ATG4A: variants seen among roughly 807,000 people sequenced by gnomAD.
ATG4A encodes the protein autophagy related 4A cysteine peptidase.
Under a neutral mutation model 38.4 loss-of-function variants are expected in ATG4A, and 22 were observed. The ratio of observed to expected loss-of-function variants is 0.57; its 90% confidence interval spans 0.41 to 0.82. The LOEUF is 0.82. ATG4A is among the 40% of genes least tolerant of loss of function. ATG4A has a pLI of 0.00. For synonymous variants in ATG4A, 86 were observed against 100.7 expected (o/e 0.85, Z 0.88); for missense variants, 220 against 290.0 (o/e 0.76, Z 1.75).
chrX:108,116,225 T>C (rs983730429), intron 1 of ATG4A, among the ~76,000 whole-genome samples: 2 of 112,408 alleles, frequency 1.8e-5, no homozygotes, highest in African/African-American at 6.5e-5. Flanking sequence ...TTTTATGTAA[T>C]CCCAAAACTT....
intron 1 of ATG4A, among the ~76,000 whole-genome samples, chrX:108,121,082 TTC>T (rs1375753257): frequency 8.9e-6 from 1 of 112,116 alleles, no homozygotes; most frequent in Non-Finnish European, 1.9e-5. Flanking sequence ...TTGCCCAATC[TTC>T]TGTTTTCTAA....
chrX:108,105,825 C>G (rs2147967386), intron 1 of ATG4A, among the ~76,000 whole-genome samples: 1 of 111,455 alleles, frequency 9.0e-6, no homozygotes, highest in Non-Finnish European at 1.9e-5. Flanking sequence ...TTTGTTCCCC[C>G]CACCCTGAAA....
intron 1 of ATG4A, among the ~76,000 whole-genome samples, chrX:108,102,446 T>A (rs1312650060): frequency 8.9e-6 from 1 of 112,182 alleles, no homozygotes; most frequent in African/African-American, 3.2e-5. Flanking sequence ...ATAATTTAGA[T>A]ATTGAACCCT....
chrX:108,130,473 A>G (rs757756840), intron 3 of ATG4A, among the ~76,000 whole-genome samples: 1 of 112,292 alleles, frequency 8.9e-6, no homozygotes, highest in Non-Finnish European at 1.9e-5. Context: ...TCGTTTATTA[A>G]CTAATTTTAT....
At chrX:108,141,023 T>C (rs1324793147) in intron 9 of ATG4A, among the ~76,000 whole-genome samples, 3 of 83,110 alleles carry the variant, frequency 3.6e-5, no homozygotes, top group Non-Finnish European at 6.6e-5. Context: ...TATATACACA[T>C]ATATATACAT....
At chrX:108,091,556 C>T, upstream of ATG4A, 1 of 1,164,466 alleles carries the variant, frequency 8.6e-7, no homozygotes, top group East Asian at 3.0e-5. Flanking sequence ...GCGCGAGCAA[C>T]GCCCGCCTCA....
intron 9 of ATG4A, among the ~76,000 whole-genome samples, chrX:108,142,479 A>G (rs372969564): frequency 4.6e-5 from 5 of 109,354 alleles, no homozygotes; most frequent in South Asian, 4.0e-4. Context: ...GAATATATAT[A>G]TGTGTGTGTG....
Position 108,137,806 on chromosome X carries a change from A to C in ATG4A, c.550A>C (p.Lys184Gln), listed in dbSNP as rs1194604609. The change falls in exon 8 of 13, where the codon AAA (lysine) becomes CAA (glutamine). Residue 184 changes from lysine to glutamine, a missense_variant and splice_region_variant. By Grantham distance (53) the Lys-to-Gln change is moderately conservative. Coordinates refer to ENST00000372232, the MANE Select transcript of ATG4A (RefSeq NM_052936.5). ...DNTVVIEDIK[K>Q]MCRVLPLSAD... ...ATATTCTGTTCTTCCATTTCTAGAA[A>C]AAATGTGCCGTGTCCTTCCCTTGAG... The C allele has an allele frequency of 8.7e-7, 1 of 1,152,023 alleles. No homozygotes were observed. The highest frequency in any genetic ancestry group is 1.8e-5 in the African/African-American group (1 of 55,360). The allele number at this position is 1,152,023 out of a possible 1,213,427, so 94.9% of individuals were successfully genotyped here.
intron 1 of ATG4A, among the ~76,000 whole-genome samples, chrX:108,099,038 T>G (rs973963123): frequency 8.9e-6 from 1 of 111,896 alleles, no homozygotes; most frequent in African/African-American, 3.2e-5. Flanking sequence ...GGTAAATATA[T>G]GTTTAATTTT....
chrX:108,098,392 A>G (rs2031899154), intron 1 of ATG4A, among the ~76,000 whole-genome samples: 1 of 111,955 alleles, frequency 8.9e-6, no homozygotes, highest in Non-Finnish European at 1.9e-5. Flanking sequence ...TATTATGAAT[A>G]AGAGACTCGC....
rs917987532 is a variant in ATG4A at position 108,153,820 on chromosome X, A to G, written c.*108A>G. 1.8e-6 allele frequency: 1 copy of G among 568,513 alleles called. No individual in the cohort carries two copies. The highest frequency in any genetic ancestry group is 3.0e-6 in the Non-Finnish European group (1 of 336,963). 46.9% of individuals were successfully genotyped at this position (568,513 alleles called of 1,213,427 possible). The stretch of plus-strand genomic sequence containing the variant: ...AGCAAGTGCCTGATATGCCAATAGC[A>G]TACAAACTCAATAGCAATCATGACT... On this transcript the variant is annotated 3_prime_UTR_variant, in exon 13 of 13. Transcript: ENST00000372232.
At chrX:108,148,143 C>G (rs1404434447) in intron 9 of ATG4A, among the ~76,000 whole-genome samples, 2 of 96,506 alleles carry the variant, frequency 2.1e-5, no homozygotes, top group African/African-American at 7.5e-5. Context: ...GGCTGAGGAG[C>G]AAGGACAGCC....
intron 1 of ATG4A, among the ~76,000 whole-genome samples, chrX:108,097,732 C>A (rs1029274743): frequency 8.9e-6 from 1 of 111,786 alleles, no homozygotes; most frequent in Non-Finnish European, 1.9e-5. Context: ...TGAGGGTATA[C>A]GCAAATCAAT....
Position 108,140,987 on chromosome X carries a change from C to T in ATG4A, c.814+2796C>T, listed in dbSNP as rs752197507. ...ATACACATATATACACATATATATACGTATATATATACATATATATACGTA... is the reference window on the plus strand; with the variant it reads ...ATACACATATATACACATATATATATGTATATATATACATATATATACGTA... On this transcript the variant is annotated intron_variant, in intron 9 of 12. Transcript: ENST00000372232. Among the ~76,000 whole-genome samples, 312 of 72,977 alleles carry T rather than the reference C, an allele frequency of 4.3e-3. 3 individuals are homozygous for T. Among genetic ancestry groups the T allele is most frequent in the African/African-American group, 0.02 (299 of 15,245 alleles). 63.4% of individuals were successfully genotyped at this position (72,977 alleles called of 115,157 possible).
rs1435631960 is a variant in ATG4A at position 108,144,217 on chromosome X, A to G, written c.815-5935A>G. 1.2e-4 allele frequency among the ~76,000 whole-genome samples: 13 copies of G among 112,841 alleles called. No individual in the cohort carries two copies. In the Admixed American group the frequency reaches 1.2e-3, roughly 11 times the overall value. ...TGCCTTGGTCAGAGCTGTGTGGAATACCATGAAGGTGGATAAGGCATTCTG... is the reference window on the plus strand; with the variant it reads ...TGCCTTGGTCAGAGCTGTGTGGAATGCCATGAAGGTGGATAAGGCATTCTG... On this transcript the variant is annotated intron_variant, in intron 9 of 12. Transcript: ENST00000372232.
At chrX:108,094,273 A>G (rs1412181805) in intron 1 of ATG4A, among the ~76,000 whole-genome samples, 1 of 111,816 alleles carries the variant, frequency 8.9e-6, no homozygotes, top group Non-Finnish European at 1.9e-5. Context: ...GTCTAAATTC[A>G]TCTTTTTGCA....
At chrX:108,103,564 T>C (rs894876516) in intron 1 of ATG4A, among the ~76,000 whole-genome samples, 21 of 112,211 alleles carry the variant, frequency 1.9e-4, no homozygotes, top group African/African-American at 6.8e-4. Context: ...TCCTTTTCTT[T>C]CTTTCTCTTT....
intron 9 of ATG4A, among the ~76,000 whole-genome samples, chrX:108,140,979 T>C (rs1273435042): frequency 2.3e-5 from 2 of 87,776 alleles, no homozygotes; most frequent in Non-Finnish European, 4.2e-5. Flanking sequence ...TATATACACA[T>C]ATATATACGT....
Position 108,128,870 on chromosome X carries a change from T to G in ATG4A, c.193+18T>G, listed in dbSNP as rs139828318. On this transcript the variant is annotated intron_variant, in intron 3 of 12. Coordinates refer to ENST00000372232, the MANE Select transcript of ATG4A (RefSeq NM_052936.5). ...ACCAATTGGTAGGTAAATCATTTGT[T>G]TTACTGTGCTTTATTCCTTGTGGAT... 2.0e-4 allele frequency: 219 copies of G among 1,101,965 alleles called. 1 individual carries two copies. In the East Asian group the frequency reaches 6.5e-3, roughly 33 times the overall value. 90.8% of individuals were successfully genotyped at this position (1,101,965 alleles called of 1,213,427 possible). A position where few individuals can be genotyped will look rare whatever the true frequency, so the allele number is the denominator to read the frequency against.
Sources: allele counts gnomAD v4.1 joint callset (sites outside exome capture counted in the v4.1 genomes callset), GRCh38; gene constraint gnomAD v4.1.1; transcripts MANE v1.5; gene names NCBI Gene and HGNC (gene_info 2026-07-23, HGNC 2026-07-21).